Variants in VSTM2B observed in about 807,000 individuals in gnomAD.
VSTM2B encodes the protein V-set and transmembrane domain-containing protein 2B.
A neutral mutation model predicts 24.0 loss-of-function variants in VSTM2B; 24 were observed. That is an observed-to-expected ratio of 1.00 (90% CI 0.72 to 1.40). VSTM2B has a LOEUF of 1.40. Ranked by LOEUF, VSTM2B falls within the 40% of genes most tolerant of loss-of-function variation. The pLI, the probability that VSTM2B is intolerant of heterozygous loss-of-function variation, is 0.00. For synonymous variants in VSTM2B, 226 were observed against 194.4 expected (o/e 1.16, Z -1.35); for missense variants, 399 against 416.4 (o/e 0.96, Z 0.36).
At chr19:29,560,394 C>G (rs11879741) in intron 4 of VSTM2B, among the ~76,000 whole-genome samples, 13,561 of 152,182 alleles carry the variant, frequency 0.089, 1,279 homozygotes, top group African/African-American at 0.24. Context: ...TGTTGCCCCG[C>G]GTCACATAGC....
chr19:29,556,059 G>A (rs1324758940), intron 4 of VSTM2B, among the ~76,000 whole-genome samples: 1 of 150,688 alleles, frequency 6.6e-6, no homozygotes, highest in Non-Finnish European at 1.5e-5. Context: ...CTCATTTTGT[G>A]AGGCCAGCAT....
At position 29,529,308 on chromosome 19, in the gene VSTM2B, G is replaced by A. The variant is rs539394673; in HGVS notation, c.298-511G>A. Among the ~76,000 whole-genome samples, 3 of 151,952 alleles carry A rather than the reference G, an allele frequency of 2.0e-5. No homozygotes were observed. In the East Asian group the frequency reaches 5.8e-4, roughly 29 times the overall value. ...TGTTAGCTGTAAAGGGCGGGGTCCG[G>A]TGACAGGGTGGCTTTCCTTAGGAAG... On this transcript the variant is annotated intron_variant, in intron 3 of 4. Coordinates refer to ENST00000335523, the MANE Select transcript of VSTM2B (RefSeq NM_001146339.2).
At chr19:29,546,173 A>G (rs779339704) in intron 4 of VSTM2B, among the ~76,000 whole-genome samples, 3 of 152,124 alleles carry the variant, frequency 2.0e-5, no homozygotes, top group East Asian at 1.9e-4. Context: ...AGGAACAGGA[A>G]AGGAATCTAG....
intron 4 of VSTM2B, among the ~76,000 whole-genome samples, chr19:29,544,249 G>A (rs1317138223): frequency 1.3e-5 from 2 of 151,696 alleles, no homozygotes; most frequent in East Asian, 1.9e-4. Context: ...ATGTGCGGCC[G>A]GGCGCGGTGG....
chr19:29,534,530 C>T (rs1033732092), intron 4 of VSTM2B, among the ~76,000 whole-genome samples: 3 of 152,102 alleles, frequency 2.0e-5, no homozygotes, highest in African/African-American at 7.2e-5. Flanking sequence ...GCCTGGCCAA[C>T]ATGATGAGAT....
Position 29,530,076 on chromosome 19 carries a change from G to C in VSTM2B, c.555G>C (p.Ala185=). 1 of 1,502,608 alleles carries C rather than the reference G, an allele frequency of 6.7e-7. No homozygotes were observed. Among genetic ancestry groups the C allele is most frequent in the Non-Finnish European group, 8.8e-7 (1 of 1,133,938 alleles). The allele number at this position is 1,502,608 out of a possible 1,614,324, so 93.1% of individuals were successfully genotyped here. A position where few individuals can be genotyped will look rare whatever the true frequency, so the allele number is the denominator to read the frequency against. The change falls in exon 4 of 5, where the codon GCG becomes GCC. Residue 185 remains alanine (A), a synonymous_variant. Coordinates refer to ENST00000335523, the MANE Select transcript of VSTM2B (RefSeq NM_001146339.2). The part of the protein sequence containing the change: ...GPASAANANN[A]GAASRTTSEP... Reference sequence around the variant, plus strand: ...CCAGCGCCGCCAACGCCAACAACGCGGGCGCCGCGAGCCGTACCACCTCCG... The same window carrying C: ...CCAGCGCCGCCAACGCCAACAACGCCGGCGCCGCGAGCCGTACCACCTCCG...
chr19:29,546,945 G>T (rs1970171642), intron 4 of VSTM2B, among the ~76,000 whole-genome samples: 1 of 152,180 alleles, frequency 6.6e-6, no homozygotes, highest in Admixed American at 6.5e-5. Context: ...CAGGGGCCAG[G>T]GTCAGGCTGA....
intron 4 of VSTM2B, among the ~76,000 whole-genome samples, chr19:29,559,131 T>C (rs528366219): frequency 6.6e-6 from 1 of 152,320 alleles, no homozygotes; most frequent in African/African-American, 2.4e-5. Flanking sequence ...CAAAGGATTA[T>C]AAATCATTCT....
chr19:29,563,363 C>G (rs1435102058), intron 4 of VSTM2B, among the ~76,000 whole-genome samples: 1 of 151,908 alleles, frequency 6.6e-6, no homozygotes, highest in East Asian at 1.9e-4. Context: ...AGCGATCCAG[C>G]CTTCTGAGCA....
At chr19:29,562,178 A>G (rs1970543090) in intron 4 of VSTM2B, among the ~76,000 whole-genome samples, 1 of 152,248 alleles carries the variant, frequency 6.6e-6, no homozygotes. Flanking sequence ...CTTTCAGGCC[A>G]GATGATTTGT....
upstream of VSTM2B, chr19:29,525,483 C>G (rs1382837526): frequency 2.0e-5 from 3 of 149,466 alleles, no homozygotes; most frequent in East Asian, 6.1e-4. Flanking sequence ...GCTCGCTGGG[C>G]GCTGTGCGCT....
chr19:29,537,031 C>A (rs1031727587), intron 4 of VSTM2B, among the ~76,000 whole-genome samples: 6 of 152,046 alleles, frequency 3.9e-5, no homozygotes, highest in Admixed American at 2.0e-4. Context: ...CTTTTTTATT[C>A]CCCCATGCTT....
At chr19:29,527,462 A>G (rs35089309) in intron 2 of VSTM2B, 67 bp downstream of exon 2, 372,947 of 1,354,044 alleles carry the variant, frequency 0.28, 54,153 homozygotes, top group East Asian at 0.49. Flanking sequence ...AGGCTAACCC[A>G]GGGAGGGAAG....
chr19:29,550,204 C>T (rs566816480), intron 4 of VSTM2B, among the ~76,000 whole-genome samples: 66 of 152,308 alleles, frequency 4.3e-4, no homozygotes, highest in East Asian at 2.5e-3. Context: ...GAGGCCAAGG[C>T]GGGAGGATCA....
chr19:29,529,669 C>A, intron 3 of VSTM2B, 150 bp from the exon 4 acceptor site: 1 of 784,732 alleles, frequency 1.3e-6, no homozygotes, highest in South Asian at 1.8e-5. Context: ...TGGGTAGACG[C>A]GGGTGAAAGG....
chr19:29,530,081 C>T lies in VSTM2B; in HGVS notation c.560C>T (p.Ala187Val). ...ASAANANNAGAASRTTSEPGR... is the reference protein window; with the variant it reads ...ASAANANNAGVASRTTSEPGR... Reference sequence around the variant, plus strand: ...GCCGCCAACGCCAACAACGCGGGCGCCGCGAGCCGTACCACCTCCGAGCCC... The same window carrying T: ...GCCGCCAACGCCAACAACGCGGGCGTCGCGAGCCGTACCACCTCCGAGCCC... Residue 187 changes from alanine to valine, a missense_variant, in exon 4 of 5, where the codon GCC becomes GTC. Ala to Val is a moderately conservative substitution (Grantham distance 64). Coordinates refer to ENST00000335523, the MANE Select transcript of VSTM2B (RefSeq NM_001146339.2). 1 of 1,498,876 alleles carries T rather than the reference C, an allele frequency of 6.7e-7. No homozygotes were observed. The highest frequency in any genetic ancestry group is 8.8e-7 in the Non-Finnish European group (1 of 1,132,626). The allele number at this position is 1,498,876 out of a possible 1,614,324, so 92.8% of individuals were successfully genotyped here. A position where few individuals can be genotyped will look rare whatever the true frequency, so the allele number is the denominator to read the frequency against.
At chr19:29,534,011 G>A (rs576243725) in intron 4 of VSTM2B, among the ~76,000 whole-genome samples, 48 of 152,358 alleles carry the variant, frequency 3.2e-4, no homozygotes, top group African/African-American at 1.1e-3. Context: ...AGTGTTTGCA[G>A]AGGATATCAA....
rs896243206 is a variant in VSTM2B, at chr19:29,527,488, G to A, written c.267+93G>A. On this transcript the variant is annotated intron_variant, in intron 2 of 4. Transcript: ENST00000335523. Reference sequence around the variant, plus strand: ...GGGAGGGAAGCAGCGGGCTTCACTCGCGCAGGGCGCCGCCCTGTGGCGCAG... The same window carrying A: ...GGGAGGGAAGCAGCGGGCTTCACTCACGCAGGGCGCCGCCCTGTGGCGCAG... 85 of 1,173,990 alleles carry A rather than the reference G, an allele frequency of 7.2e-5. No individual in the cohort carries two copies. In the African/African-American group the frequency reaches 1.3e-3, roughly 18 times the overall value. The allele number at this position is 1,173,990 out of a possible 1,614,324, so 72.7% of individuals were successfully genotyped here.
In VSTM2B at chr19:29,526,225, A is replaced by G. The variant is rs546232610; in HGVS notation, c.-359A>G. The stretch of plus-strand genomic sequence containing the variant: ...CTCCGTGGCACGCACTCCCTCGGCC[A>G]GGGATGGGTCCCGGCGCGGCCCAGC... On this transcript the variant is annotated 5_prime_UTR_variant, in exon 1 of 5. Coordinates refer to ENST00000335523, the MANE Select transcript of VSTM2B (RefSeq NM_001146339.2). The surrounding 1 kb of genome is among the most constrained non-coding windows in gnomAD (Gnocchi z 4.1). Among the ~76,000 whole-genome samples, 2 of 152,084 alleles carry G rather than the reference A, an allele frequency of 1.3e-5. No homozygotes were observed. The highest frequency in any genetic ancestry group is 4.1e-4 in the South Asian group (2 of 4,826).
Sources: gnomAD v4.1 joint callset for allele counts (sites outside exome capture counted in the v4.1 genomes callset) on GRCh38, gnomAD v4.1.1 for gene constraint, Gnocchi (gnomAD v3.1) non-coding constraint, MANE v1.5 for transcripts, NCBI Gene and HGNC (gene_info 2026-07-23, HGNC 2026-07-21) for gene names.